PGM2L1: variants seen among roughly 807,000 people sequenced by gnomAD.
PGM2L1 encodes the protein glucose 1,6-bisphosphate synthase.
PGM2L1 carries 35 observed loss-of-function variants against 73.4 expected under a neutral mutation model. That is an observed-to-expected ratio of 0.48 (90% CI 0.36 to 0.63). The LOEUF is 0.63. Among genes scored for constraint, PGM2L1 ranks in the 30% least tolerant of loss-of-function variants. PGM2L1 has a pLI of 0.00. For synonymous variants in PGM2L1, 225 were observed against 253.8 expected, an observed-to-expected ratio of 0.89 and a Z score of 1.08; for missense variants, 570 against 742.0, an observed-to-expected ratio of 0.77 and a Z score of 2.69.
At chr11:74,369,837 C>T (rs549344756) in intron 4 of PGM2L1, among the ~76,000 whole-genome samples, 6 of 152,278 alleles carry the variant, frequency 3.9e-5, no homozygotes, top group African/African-American at 1.4e-4. Context: ...ATCTCTGCCT[C>T]TCAGGTTCAA....
At chr11:74,372,159 A>G (rs1203712252) in intron 2 of PGM2L1, among the ~76,000 whole-genome samples, 1 of 152,144 alleles carries the variant, frequency 6.6e-6, no homozygotes, top group Non-Finnish European at 1.5e-5. Context: ...AGAAGAGCCA[A>G]CATAAAATTG....
intron 12 of PGM2L1, among the ~76,000 whole-genome samples, chr11:74,339,479 C>A (rs961570698): frequency 3.9e-5 from 6 of 152,152 alleles, no homozygotes; most frequent in African/African-American, 1.4e-4. Context: ...GTCCTTGAGA[C>A]CCTTCTCTTG....
intron 12 of PGM2L1, 67 bp downstream of exon 12, chr11:74,342,394 C>T (rs542974717): frequency 8.0e-6 from 10 of 1,252,842 alleles, no homozygotes; most frequent in Middle Eastern, 2.1e-4. Context: ...TGTCCTGCCT[C>T]TGGACTTTTT....
At chr11:74,391,838 T>C (rs1222346088) in intron 1 of PGM2L1, among the ~76,000 whole-genome samples, 2 of 152,170 alleles carry the variant, frequency 1.3e-5, no homozygotes, top group African/African-American at 4.8e-5. Context: ...TGGTATGGGT[T>C]TTCTCTGTTT....
intron 6 of PGM2L1, among the ~76,000 whole-genome samples, chr11:74,350,893 AAGAAAGAGAGAGAGAGAGAGAG>A (rs1862339943): frequency 9.0e-6 from 1 of 110,890 alleles, no homozygotes; most frequent in South Asian, 3.1e-4. Flanking sequence ...AAAGGAAAGA[AAGAAAGAGAGAGAGAGAGAGAG>A]AGAAAGAGAG....
At position 74,330,986 on chromosome 11, in the gene PGM2L1, A is replaced by G. The variant is rs1199096919; in HGVS notation, c.*5666T>C. 6.6e-6 allele frequency: 1 copy of G among 152,132 alleles called. No homozygotes were observed. Among genetic ancestry groups the G allele is most frequent in the Non-Finnish European group, 1.5e-5 (1 of 68,008 alleles). The allele number at this position is 152,132 out of a possible 1,614,324, so 9.4% of individuals were successfully genotyped here. A position where few individuals can be genotyped will look rare whatever the true frequency, so the allele number is the denominator to read the frequency against. ...ACTGAATTAGAAAATTCATTTTTTG[A>G]TTGTTCCTTAAACTATTTGCTACTT... On this transcript the variant is annotated 3_prime_UTR_variant, in exon 14 of 14. Transcript: ENST00000298198.
intron 2 of PGM2L1, among the ~76,000 whole-genome samples, 199 bp downstream of exon 2, chr11:74,374,216 T>C (rs886819214): frequency 7.9e-5 from 12 of 152,152 alleles, no homozygotes; most frequent in Non-Finnish European, 1.5e-4. Flanking sequence ...CCCGGGTAGC[T>C]GGGACTACAG....
intron 6 of PGM2L1, among the ~76,000 whole-genome samples, chr11:74,350,799 C>T (rs1862337815): frequency 6.6e-6 from 1 of 152,064 alleles, no homozygotes. Flanking sequence ...ATTGCTTGAA[C>T]CCAGGAAGCG....
chr11:74,360,654 C>T (rs1862547872), intron 5 of PGM2L1, among the ~76,000 whole-genome samples: 1 of 152,162 alleles, frequency 6.6e-6, no homozygotes, highest in African/African-American at 2.4e-5. Flanking sequence ...ATTCCCTTTC[C>T]TGGCAAAGGG....
chr11:74,352,697 A>G (rs938616558), intron 5 of PGM2L1, among the ~76,000 whole-genome samples: 4 of 152,228 alleles, frequency 2.6e-5, no homozygotes, highest in African/African-American at 9.6e-5. Flanking sequence ...TAAACACCTC[A>G]AAATGCTACA....
At chr11:74,359,101 T>C (rs1445886699) in intron 5 of PGM2L1, among the ~76,000 whole-genome samples, 1 of 152,218 alleles carries the variant, frequency 6.6e-6, no homozygotes, top group African/African-American at 2.4e-5. Context: ...ATCATTCATA[T>C]GTGTATATAT....
chr11:74,391,198 C>T (rs1863097339), intron 1 of PGM2L1, among the ~76,000 whole-genome samples: 1 of 151,728 alleles, frequency 6.6e-6, no homozygotes, highest in Admixed American at 6.6e-5. Flanking sequence ...TTTCCTCCTC[C>T]CTCCCTCCCT....
intron 13 of PGM2L1, among the ~76,000 whole-genome samples, chr11:74,337,244 G>A (rs781397873): frequency 3.4e-4 from 51 of 152,198 alleles, no homozygotes; most frequent in Non-Finnish European, 6.0e-4. Flanking sequence ...AGGTGCTGCC[G>A]TTGCCCAGAA....
Position 74,336,633 on chromosome 11 carries a change from A to G in PGM2L1, c.*19T>C. On this transcript the variant is annotated 3_prime_UTR_variant, in exon 14 of 14. Transcript: ENST00000298198. ...CTGTTCCATATGCCCACACAGTGTC[A>G]TGACATATTGGTGTACCCCTAAACA... 1 of 1,541,890 alleles carries G rather than the reference A, an allele frequency of 6.5e-7. No individual in the cohort carries two copies. The highest frequency in any genetic ancestry group is 8.9e-7 in the Non-Finnish European group (1 of 1,124,196).
In PGM2L1 at chr11:74,369,265, T is replaced by C. The variant is rs570330014; in HGVS notation, c.472-690A>G. On this transcript the variant is annotated intron_variant, in intron 4 of 13. Transcript: ENST00000298198. ...CTATTGCCTCCTTTTCTCCCAATAA[T>C]AGACCCACATGACAGTGTACAAAAA... is the stretch of plus-strand genomic sequence containing the variant. Among the ~76,000 whole-genome samples, 251 of 152,190 alleles carry C rather than the reference T, an allele frequency of 1.6e-3. 2 individuals carry two copies. The highest frequency in any genetic ancestry group is 7.4e-5 in the Non-Finnish European group (5 of 67,996).
chr11:74,362,582 A>T (rs1862582618), intron 5 of PGM2L1, among the ~76,000 whole-genome samples: 1 of 152,246 alleles, frequency 6.6e-6, no homozygotes, highest in Non-Finnish European at 1.5e-5. Flanking sequence ...TGCTCCAATT[A>T]AAAGACACAG....
intron 1 of PGM2L1, among the ~76,000 whole-genome samples, chr11:74,389,947 CAAAAAAAAAAA>C (rs71065078): frequency 7.8e-5 from 3 of 38,570 alleles, no homozygotes; most frequent in African/African-American, 3.4e-4. Context: ...ACTAAAAATA[CAAAAAAAAAAA>C]AAAAAAAAAA....
At position 74,363,965 on chromosome 11, in the gene PGM2L1, A is replaced by G. The variant is rs573260295; in HGVS notation, c.555+4527T>C. ...ATAAACATCAATGCAAAAATCCTCA[A>G]TAAAATACTGGCAAACCGAATCCAG... On this transcript the variant is annotated intron_variant, in intron 5 of 13. Transcript: ENST00000298198. Among the ~76,000 whole-genome samples, 106 of 152,374 alleles carry G rather than the reference A, an allele frequency of 7.0e-4. 3 individuals are homozygous for G. The South Asian group carries it at 0.019, about 27-fold the overall frequency.
In PGM2L1 at chr11:74,398,067, C is replaced by G. The variant is rs760919240; in HGVS notation, c.95G>C (p.Trp32Ser). ...DPQLDTAIGQ[W>S]LRWDKNPKTK... ...GGTACCCACCTTATCCCAGCGGAGC[C>G]ACTGCCCGATGGCCGTGTCCAGCTG... The change falls in exon 1 of 14, where the codon TGG (tryptophan) becomes TCG (serine). Residue 32 changes from tryptophan (W) to serine (S), a missense_variant. Transcript: ENST00000298198. 4 of 1,610,522 alleles carry G rather than the reference C, an allele frequency of 2.5e-6. No individual in the cohort carries two copies. The Admixed American group carries it at 6.7e-5, about 27-fold the overall frequency.
Sources: gnomAD v4.1 joint callset for allele counts (sites outside exome capture counted in the v4.1 genomes callset) on GRCh38, gnomAD v4.1.1 for gene constraint, MANE v1.5 for transcripts, NCBI Gene and HGNC (gene_info 2026-07-23, HGNC 2026-07-21) for gene names.